Variants in ENPP6 observed in about 807,000 individuals in gnomAD.
ENPP6 encodes the protein ectonucleotide pyrophosphatase/phosphodiesterase 6.
Under a neutral mutation model 42.0 loss-of-function variants are expected in ENPP6, and 32 were observed. The observed-to-expected ratio is 0.76, with a 90% CI of 0.58 to 1.02. The LOEUF is 1.02. Ranked by LOEUF, ENPP6 falls within the 50% of genes least tolerant of loss-of-function variation. The pLI is 0.00. For missense variants in ENPP6, 552 were observed against 566.8 expected (o/e 0.97, Z 0.27); for synonymous variants, 213 against 216.0 (o/e 0.99, Z 0.12).
At chr4:184,136,768 T>C (rs1209529189) in intron 2 of ENPP6, among the ~76,000 whole-genome samples, 4 of 152,234 alleles carry the variant, frequency 2.6e-5, no homozygotes, top group Admixed American at 6.5e-5. Context: ...GATTTTCTCA[T>C]TGTCTTTGGT....
At chr4:184,141,513 T>G (rs1736819638) in intron 2 of ENPP6, among the ~76,000 whole-genome samples, 1 of 152,226 alleles carries the variant, frequency 6.6e-6, no homozygotes, top group South Asian at 2.1e-4. Flanking sequence ...TTTGGTTTCA[T>G]GACAACTTTG....
intron 6 of ENPP6, among the ~76,000 whole-genome samples, chr4:184,108,817 A>C (rs1736147355): frequency 6.6e-6 from 1 of 152,232 alleles, no homozygotes; most frequent in African/African-American, 2.4e-5. Context: ...AGGTGCTGTA[A>C]GTTATGTTAA....
intron 1 of ENPP6, among the ~76,000 whole-genome samples, chr4:184,155,828 A>T (rs1737149612): frequency 6.6e-6 from 1 of 152,204 alleles, no homozygotes; most frequent in Admixed American, 6.5e-5. Context: ...ACCCCATATC[A>T]TTTGGTGAAA....
chr4:184,154,402 A>G (rs2111078794), intron 1 of ENPP6, among the ~76,000 whole-genome samples: 1 of 152,344 alleles, frequency 6.6e-6, no homozygotes, highest in African/African-American at 2.4e-5. Context: ...TTAGGCTTAA[A>G]TTATTTATTT....
intron 1 of ENPP6, among the ~76,000 whole-genome samples, chr4:184,208,081 A>G (rs1201085558): frequency 6.6e-6 from 1 of 151,714 alleles, no homozygotes; most frequent in Non-Finnish European, 1.5e-5. Flanking sequence ...CCCAACTTGA[A>G]CTGGGGGACA....
At chr4:184,107,878 A>G (rs1202878191) in intron 6 of ENPP6, among the ~76,000 whole-genome samples, 1 of 150,934 alleles carries the variant, frequency 6.6e-6, no homozygotes, top group Admixed American at 6.6e-5. Context: ...TCCCGCCATT[A>G]CCCTCTAGCC....
At chr4:184,193,908 T>C (rs1732744033) in intron 1 of ENPP6, among the ~76,000 whole-genome samples, 1 of 152,226 alleles carries the variant, frequency 6.6e-6, no homozygotes, top group Non-Finnish European at 1.5e-5. Flanking sequence ...TCTTTAATTG[T>C]TCAGTTTGAT....
At chr4:184,125,141 G>A (rs1280030532) in intron 2 of ENPP6, among the ~76,000 whole-genome samples, 1 of 152,210 alleles carries the variant, frequency 6.6e-6, no homozygotes, top group Non-Finnish European at 1.5e-5. Flanking sequence ...AAAGTGTGTG[G>A]TATGTGAAGT....
chr4:184,185,259 T>G (rs1483626591), intron 1 of ENPP6, among the ~76,000 whole-genome samples: 1 of 152,220 alleles, frequency 6.6e-6, no homozygotes, highest in Non-Finnish European at 1.5e-5. Context: ...GTCATGATTC[T>G]TACCTCCTCT....
rs1315000604 is a variant in ENPP6, at chr4:184,184,259, AT to A, written c.242-30527del. ...TAAGTTTGGAATGATTATATTTAGA[AT>A]AAAAGACAAGCTTTATGACGTGTTT... On this transcript the variant is annotated intron_variant, in intron 1 of 7. Coordinates refer to ENST00000296741, the MANE Select transcript of ENPP6 (RefSeq NM_153343.4). The surrounding 1 kb of genome is among the most constrained non-coding windows in gnomAD (Gnocchi z 4.7). Among the ~76,000 whole-genome samples, 2 of 152,378 alleles carry A rather than the reference AT, an allele frequency of 1.3e-5. No homozygotes were observed. Among genetic ancestry groups the A allele is most frequent in the East Asian group, 3.9e-4 (2 of 5,194 alleles).
intron 6 of ENPP6, among the ~76,000 whole-genome samples, chr4:184,097,965 C>T (rs545343992): frequency 4.6e-5 from 7 of 152,286 alleles, no homozygotes; most frequent in South Asian, 4.1e-4. Context: ...CACGTCTGCG[C>T]GATGAAGCCC....
intron 1 of ENPP6, among the ~76,000 whole-genome samples, chr4:184,180,070 A>C (rs1423771207): frequency 7.0e-6 from 1 of 142,952 alleles, no homozygotes; most frequent in African/African-American, 2.5e-5. Flanking sequence ...TCAAAAAATC[A>C]ACGAATCCAG....
intron 6 of ENPP6, among the ~76,000 whole-genome samples, chr4:184,106,877 T>G (rs1005782938): frequency 6.6e-6 from 1 of 152,214 alleles, no homozygotes; most frequent in Non-Finnish European, 1.5e-5. Context: ...GTTCGCTAGG[T>G]GCACGATTGC....
At chr4:184,151,843 T>C (rs530685999) in intron 2 of ENPP6, among the ~76,000 whole-genome samples, 8 of 152,338 alleles carry the variant, frequency 5.3e-5, no homozygotes, top group Non-Finnish European at 1.0e-4. Context: ...CTAGCAAGCC[T>C]GATGAGCCTG....
chr4:184,105,569 G>A lies in ENPP6; in HGVS notation c.993+7103C>T, dbSNP rs553761635. ...GGCAAGATACCTAAAATGCTGAGCCGCCATTAACTCAGTAAATACAGTATC... is the reference window on the plus strand; with the variant it reads ...GGCAAGATACCTAAAATGCTGAGCCACCATTAACTCAGTAAATACAGTATC... On this transcript the variant is annotated intron_variant, in intron 6 of 7. Transcript: ENST00000296741. Among the ~76,000 whole-genome samples, 9 of 152,270 alleles carry A rather than the reference G, an allele frequency of 5.9e-5. No homozygotes were observed. The South Asian group carries it at 1.7e-3, about 28-fold the overall frequency.
At chr4:184,123,633 G>T (rs1415870104) in intron 3 of ENPP6, among the ~76,000 whole-genome samples, 2 of 152,080 alleles carry the variant, frequency 1.3e-5, no homozygotes, top group East Asian at 1.9e-4. Context: ...ACAGACTCTT[G>T]TGTGCTATAC....
chr4:184,142,641 C>T (rs1736842631), intron 2 of ENPP6, among the ~76,000 whole-genome samples: 1 of 152,188 alleles, frequency 6.6e-6, no homozygotes, highest in Admixed American at 6.5e-5. Context: ...TAGATGAGAA[C>T]CAACTCATCC....
chr4:184,122,833 T>C (rs994323777), intron 3 of ENPP6, among the ~76,000 whole-genome samples: 1 of 152,168 alleles, frequency 6.6e-6, no homozygotes, highest in African/African-American at 2.4e-5. Flanking sequence ...GCTGGCATTC[T>C]GGATATGTTG....
At chr4:184,119,745 T>G (rs564832039) in intron 3 of ENPP6, among the ~76,000 whole-genome samples, 15 of 151,682 alleles carry the variant, frequency 9.9e-5, no homozygotes, top group Admixed American at 2.0e-4. Flanking sequence ...GCTATTCTCA[T>G]GATATTGCTA....
Sources: allele counts gnomAD v4.1 joint callset (sites outside exome capture counted in the v4.1 genomes callset), GRCh38; gene constraint gnomAD v4.1.1; non-coding constraint Gnocchi (gnomAD v3.1); transcripts MANE v1.5; gene names NCBI Gene and HGNC (gene_info 2026-07-23, HGNC 2026-07-21).